Variants in SORCS3 observed in about 807,000 individuals in gnomAD.
SORCS3 encodes the protein VPS10 domain-containing receptor SorCS3.
SORCS3 carries 57 observed loss-of-function variants against 146.3 expected under a neutral mutation model. That is an observed-to-expected ratio of 0.39 (90% CI 0.31 to 0.49). The LOEUF (loss-of-function observed/expected upper bound fraction) is 0.49, where lower values mean the gene tolerates loss of function less well. SORCS3 is among the 20% of genes least tolerant of loss of function. The pLI is 0.92. For missense variants in SORCS3, 1,341 were observed against 1,575.5 expected (o/e 0.85, Z 2.52); for synonymous variants, 653 against 618.5 (o/e 1.06, Z -0.83).
Position 104,830,077 on chromosome 10 carries a change from G to A in SORCS3, c.628-12715G>A, listed in dbSNP as rs552042505. On this transcript the variant is annotated intron_variant, in intron 1 of 26. Coordinates refer to ENST00000369701, the MANE Select transcript of SORCS3 (RefSeq NM_014978.3). Reference sequence around the variant, plus strand: ...AGCCCCCCAACCCCCGACAGGCCCTGGTGTGTGTTGTTCCTCTACTTGTGT... The same window carrying A: ...AGCCCCCCAACCCCCGACAGGCCCTAGTGTGTGTTGTTCCTCTACTTGTGT... Among the ~76,000 whole-genome samples the A allele has an allele frequency of 2.6e-5, 4 of 151,988 alleles. No individual in the cohort carries two copies. The East Asian group carries it at 7.8e-4, about 30-fold the overall frequency.
intron 1 of SORCS3, among the ~76,000 whole-genome samples, chr10:104,795,667 A>G (rs1245407469): frequency 1.3e-5 from 2 of 152,206 alleles, no homozygotes; most frequent in African/African-American, 4.8e-5. Context: ...GATTTTTCAC[A>G]TGCCCCCTAA....
chr10:105,217,157 T>C, intron 19 of SORCS3, 35 bp downstream of exon 19: 1 of 1,608,390 alleles, frequency 6.2e-7, no homozygotes, highest in African/African-American at 1.3e-5. Flanking sequence ...TTTCCCTTTG[T>C]TCCCAGTTGG....
intron 14 of SORCS3, among the ~76,000 whole-genome samples, chr10:105,188,968 A>G (rs2056496533): frequency 6.6e-6 from 1 of 152,186 alleles, no homozygotes; most frequent in Non-Finnish European, 1.5e-5. Flanking sequence ...CAGCACGTTT[A>G]ACTATTTGCT....
rs898193260 is a variant in SORCS3 at position 105,264,503 on chromosome 10, T to G, written c.*1129T>G. On this transcript the variant is annotated 3_prime_UTR_variant, in exon 27 of 27. Coordinates refer to ENST00000369701, the MANE Select transcript of SORCS3 (RefSeq NM_014978.3). ...TAGGTAAAGCCCAGTGAATGTCTCT[T>G]GGCATGGGAGGAGTTAAAGAGGTTG... The G allele has an allele frequency of 6.6e-6, 1 of 152,410 alleles. No homozygotes were observed. The highest frequency in any genetic ancestry group is 1.9e-4 in the East Asian group (1 of 5,188). The allele number at this position is 152,410 out of a possible 1,614,324, so 9.4% of individuals were successfully genotyped here.
intron 1 of SORCS3, among the ~76,000 whole-genome samples, chr10:104,778,585 C>G (rs1226945883): frequency 6.6e-6 from 1 of 152,232 alleles, no homozygotes; most frequent in Non-Finnish European, 1.5e-5. Context: ...AGCTCAGTTC[C>G]TGGTTGGCAG....
At chr10:105,258,277 C>A (rs954015043) in intron 25 of SORCS3, among the ~76,000 whole-genome samples, 20 of 151,848 alleles carry the variant, frequency 1.3e-4, no homozygotes, top group African/African-American at 4.9e-4. Context: ...AACCCACATA[C>A]CCCTGTTCCC....
chr10:105,102,632 C>G (rs764860358), intron 6 of SORCS3, among the ~76,000 whole-genome samples: 1 of 151,998 alleles, frequency 6.6e-6, no homozygotes, highest in Non-Finnish European at 1.5e-5. Flanking sequence ...CCACAACATG[C>G]AATTTGCCTA....
intron 3 of SORCS3, among the ~76,000 whole-genome samples, chr10:104,964,243 C>T (rs949281651): frequency 1.3e-5 from 2 of 152,292 alleles, no homozygotes; most frequent in Non-Finnish European, 2.9e-5. Flanking sequence ...CCTGGGTCTG[C>T]GTTTCCTTGC....
At chr10:105,124,593 A>T (rs933448672) in intron 7 of SORCS3, among the ~76,000 whole-genome samples, 3 of 152,228 alleles carry the variant, frequency 2.0e-5, no homozygotes, top group Non-Finnish European at 2.9e-5. Context: ...TTACAAAAAA[A>T]TACATTAAAA....
rs570940895 is a variant in SORCS3 at position 105,092,060 on chromosome 10, G to A, written c.1093+2221G>A. ...TCAGGCTTCGTGAGCTCAGGCTTAA[G>A]ACACATTATTTTCTGATGCTGGACA... On this transcript the variant is annotated intron_variant, in intron 6 of 26. Transcript: ENST00000369701. Among the ~76,000 whole-genome samples, 7 of 152,308 alleles carry A rather than the reference G, an allele frequency of 4.6e-5. No individual in the cohort carries two copies. In the South Asian group the frequency reaches 1.5e-3, roughly 32 times the overall value.
intron 2 of SORCS3, among the ~76,000 whole-genome samples, chr10:104,864,559 TTCATGGCC>T (rs2133563258): frequency 6.6e-6 from 1 of 152,312 alleles, no homozygotes; most frequent in South Asian, 2.1e-4. Flanking sequence ...TTCTCTCTCT[TTCATGGCC>T]TCTTGGTGTG....
chr10:104,986,113 G>A (rs931204824), intron 4 of SORCS3, among the ~76,000 whole-genome samples: 6 of 152,192 alleles, frequency 3.9e-5, no homozygotes, highest in African/African-American at 1.2e-4. Context: ...ATAGAAGGCT[G>A]CTCATTGAAA....
At chr10:105,177,695 C>G (rs1349359145) in intron 13 of SORCS3, among the ~76,000 whole-genome samples, 1 of 152,044 alleles carries the variant, frequency 6.6e-6, no homozygotes, top group South Asian at 2.1e-4. Flanking sequence ...TTGGGTCCAC[C>G]AGCCTTACTC....
intron 1 of SORCS3, among the ~76,000 whole-genome samples, chr10:104,825,945 T>A (rs191676181): frequency 3.3e-5 from 5 of 152,210 alleles, no homozygotes; most frequent in Admixed American, 3.3e-4. Context: ...GATTTGTCAC[T>A]TGCCTTATTC....
In SORCS3 at chr10:104,884,509, C is replaced by T. The variant is rs150313271; in HGVS notation, c.696-31324C>T. On this transcript the variant is annotated intron_variant, in intron 2 of 26. Coordinates refer to ENST00000369701, the MANE Select transcript of SORCS3 (RefSeq NM_014978.3). ...TTAGGTGCCAGGGAAAGGATGCAGTCAGCAGACCATGGGGAGCTATTGAAG... is the reference window on the plus strand; with the variant it reads ...TTAGGTGCCAGGGAAAGGATGCAGTTAGCAGACCATGGGGAGCTATTGAAG... Among the ~76,000 whole-genome samples, 14 of 152,272 alleles carry T rather than the reference C, an allele frequency of 9.2e-5. 1 individual carries two copies. The highest frequency in any genetic ancestry group is 3.4e-4 in the African/African-American group (14 of 41,538).
At chr10:104,886,447 T>G (rs2018685190) in intron 2 of SORCS3, among the ~76,000 whole-genome samples, 2 of 152,156 alleles carry the variant, frequency 1.3e-5, no homozygotes, top group Non-Finnish European at 2.9e-5. Context: ...GTGTTCAGAA[T>G]AGGCAGATAC....
chr10:105,097,385 G>A (rs1036217951), intron 6 of SORCS3, among the ~76,000 whole-genome samples: 5 of 152,076 alleles, frequency 3.3e-5, no homozygotes, highest in South Asian at 2.1e-4. Flanking sequence ...CCTCCCATTC[G>A]CTTCTGGAAT....
At chr10:105,196,493 T>C (rs2056544816) in intron 14 of SORCS3, among the ~76,000 whole-genome samples, 1 of 152,076 alleles carries the variant, frequency 6.6e-6, no homozygotes, top group Admixed American at 6.6e-5. Context: ...TAATCCCAGC[T>C]ACTGGGTAGG....
At chr10:104,977,248 T>C (rs1230191370) in intron 3 of SORCS3, 87 bp from the exon 4 acceptor site, 3 of 1,133,446 alleles carry the variant, frequency 2.6e-6, no homozygotes, top group Non-Finnish European at 3.7e-6. Flanking sequence ...GGTGTACAAA[T>C]ACAGATGACT....
Sources: gnomAD v4.1 joint callset for allele counts (sites outside exome capture counted in the v4.1 genomes callset) on GRCh38, gnomAD v4.1.1 for gene constraint, MANE v1.5 for transcripts, NCBI Gene and HGNC (gene_info 2026-07-23, HGNC 2026-07-21) for gene names.